Variants in NTM observed in about 807,000 individuals in gnomAD.
NTM encodes neurotrimin, also known as IgLON family member 2.
In NTM, 13 loss-of-function variants were observed where a neutral mutation model predicts 42.1. The ratio of observed to expected loss-of-function variants is 0.31; its 90% CI spans 0.20 to 0.49. The LOEUF is 0.49. NTM is among the 20% of genes least tolerant of loss of function. The pLI, the probability that NTM is intolerant of heterozygous loss-of-function variation, is 0.99. For synonymous variants in NTM, 187 were observed against 179.2 expected, an observed-to-expected ratio of 1.04 and a Z score of -0.35; for missense variants, 373 against 452.8, an observed-to-expected ratio of 0.82 and a Z score of 1.60.
intron 1 of NTM, chr11:131,385,435 C>T (rs887199178): frequency 6.6e-6 from 1 of 152,052 alleles, no homozygotes; most frequent in East Asian, 1.9e-4. Flanking sequence ...ATTAGGATAT[C>T]GCTGATGAAA....
intron 1 of NTM, among the ~76,000 whole-genome samples, chr11:131,542,795 C>T (rs974439989): frequency 6.6e-6 from 1 of 152,148 alleles, no homozygotes; most frequent in Non-Finnish European, 1.5e-5. Context: ...AAGAAAGAGC[C>T]TCTGGGTGAG....
At chr11:131,951,150 G>T (rs187462124) in intron 2 of NTM, among the ~76,000 whole-genome samples, 2 of 152,126 alleles carry the variant, frequency 1.3e-5, no homozygotes, top group African/African-American at 4.8e-5. Context: ...GTATGGTACC[G>T]TGAAAATCAC....
intron 1 of NTM, among the ~76,000 whole-genome samples, chr11:131,695,077 G>A (rs944613737): frequency 1.3e-5 from 2 of 152,176 alleles, no homozygotes; most frequent in African/African-American, 4.8e-5. Flanking sequence ...TGTCTGCCAG[G>A]GGAAACGCAC....
chr11:132,007,110 C>T lies in NTM; in HGVS notation c.167+95462C>T, dbSNP rs530323508. 2.6e-5 allele frequency among the ~76,000 whole-genome samples: 4 copies of T among 152,296 alleles called. No individual in the cohort carries two copies. In the East Asian group the frequency reaches 7.7e-4, roughly 29 times the overall value. On this transcript the variant is annotated intron_variant, in intron 2 of 8. Transcript: ENST00000683400. ...ATGAAAAAAGCTCCTCCCTGTCACA[C>T]CTGTGATGGATGTCTACTGTGAATG...
chr11:131,473,803 T>C (rs150993829), intron 1 of NTM, among the ~76,000 whole-genome samples: 3 of 152,300 alleles, frequency 2.0e-5, no homozygotes, highest in South Asian at 4.1e-4. Flanking sequence ...TCTCAGAGGA[T>C]GAGGTAGCCC....
At chr11:131,523,782 CAAAAAAAAAA>C (rs3040114) in intron 1 of NTM, among the ~76,000 whole-genome samples, 7 of 72,194 alleles carry the variant, frequency 9.7e-5, no homozygotes, top group African/African-American at 2.5e-4. Flanking sequence ...GACTCCATCT[CAAAAAAAAAA>C]AAAAAAAAAA....
intron 1 of NTM, among the ~76,000 whole-genome samples, chr11:131,640,702 A>T (rs75480802): frequency 0.025 from 3,737 of 152,294 alleles, 142 homozygotes; most frequent in African/African-American, 0.084. Flanking sequence ...ATTACCCATG[A>T]AGGGTTTAAA....
At chr11:132,190,528 G>C (rs768951699) in intron 3 of NTM, among the ~76,000 whole-genome samples, 1 of 152,038 alleles carries the variant, frequency 6.6e-6, no homozygotes, top group Admixed American at 6.6e-5. Flanking sequence ...GTGAGGTCAG[G>C]AGTTCAAGAC....
intron 1 of NTM, among the ~76,000 whole-genome samples, chr11:131,849,560 C>T (rs1298738123): frequency 6.6e-6 from 1 of 152,260 alleles, no homozygotes; most frequent in East Asian, 1.9e-4. Context: ...GATCCACACA[C>T]ACCCAACCAG....
At chr11:131,395,194 C>G (rs1410224256) in intron 1 of NTM, among the ~76,000 whole-genome samples, 1 of 152,132 alleles carries the variant, frequency 6.6e-6, no homozygotes, top group East Asian at 1.9e-4. Flanking sequence ...CTGACCCTTC[C>G]TTGGTCACAG....
chr11:131,627,110 C>A (rs2063178635), intron 1 of NTM, among the ~76,000 whole-genome samples: 1 of 152,120 alleles, frequency 6.6e-6, no homozygotes. Flanking sequence ...AATGAAATTT[C>A]GATTATAATA....
At chr11:132,226,181 T>G (rs1008798710) in intron 4 of NTM, among the ~76,000 whole-genome samples, 3 of 152,214 alleles carry the variant, frequency 2.0e-5, no homozygotes, top group African/African-American at 7.2e-5. Flanking sequence ...TACAAGTGCA[T>G]GTGTCTTTAT....
At chr11:131,497,967 G>A (rs1955524803) in intron 1 of NTM, among the ~76,000 whole-genome samples, 1 of 152,136 alleles carries the variant, frequency 6.6e-6, no homozygotes, top group South Asian at 2.1e-4. Context: ...TAGACTGTGT[G>A]GTCCAACCCT....
At chr11:132,323,213 A>C (rs2136308717) in intron 7 of NTM, among the ~76,000 whole-genome samples, 1 of 150,584 alleles carries the variant, frequency 6.6e-6, no homozygotes, top group Non-Finnish European at 1.5e-5. Flanking sequence ...GACACAAAAA[A>C]CCCTTCAAAA....
Position 131,455,295 on chromosome 11 carries a change from C to T in NTM, c.82+84407C>T, listed in dbSNP as rs139807169. Among the ~76,000 whole-genome samples the T allele has an allele frequency of 4.0e-4, 61 of 152,280 alleles. No homozygotes were observed. In the Middle Eastern group the frequency reaches 0.01, roughly 25 times the overall value. On this transcript the variant is annotated intron_variant, in intron 1 of 8. Transcript: ENST00000683400. ...AGGTGTTACGAGTAGACGGCCCAAG[C>T]GGAGGCTCACCCCAGAGGCTGTGCA...
At chr11:131,961,196 T>A (rs556334505) in intron 2 of NTM, among the ~76,000 whole-genome samples, 1 of 152,250 alleles carries the variant, frequency 6.6e-6, no homozygotes, top group South Asian at 2.1e-4. Flanking sequence ...AATCCTGAAT[T>A]TGAAAAAACC....
At chr11:131,891,015 G>A (rs1838969090) in intron 1 of NTM, among the ~76,000 whole-genome samples, 1 of 152,166 alleles carries the variant, frequency 6.6e-6, no homozygotes, top group Admixed American at 6.5e-5. Context: ...AATTTGTTTA[G>A]ACTATGTCAG....
At chr11:132,022,304 C>T (rs1026196111) in intron 2 of NTM, among the ~76,000 whole-genome samples, 1 of 152,204 alleles carries the variant, frequency 6.6e-6, no homozygotes, top group Non-Finnish European at 1.5e-5. Flanking sequence ...CAATTTTGCT[C>T]GACTTTATGC....
At chr11:131,753,236 T>A (rs950824605) in intron 1 of NTM, among the ~76,000 whole-genome samples, 4 of 152,136 alleles carry the variant, frequency 2.6e-5, no homozygotes, top group Admixed American at 1.3e-4. Context: ...AAAAGTCAGG[T>A]AACAACAGGT....
Sources: gnomAD v4.1 joint callset for allele counts (sites outside exome capture counted in the v4.1 genomes callset) on GRCh38, gnomAD v4.1.1 for gene constraint, MANE v1.5 for transcripts, NCBI Gene and HGNC (gene_info 2026-07-23, HGNC 2026-07-21) for gene names.